CACNA2D1: variants seen among roughly 807,000 people sequenced by gnomAD.
CACNA2D1 encodes calcium voltage-gated channel auxiliary subunit alpha2delta 1, also known as voltage-dependent calcium channel subunit alpha-2/delta-1.
A neutral mutation model predicts 171.5 loss-of-function variants in CACNA2D1; 53 were observed. That is an observed-to-expected ratio of 0.31 (90% CI 0.25 to 0.39). The LOEUF is 0.39. Among genes scored for constraint, CACNA2D1 ranks in the 10% least tolerant of loss-of-function variants. The pLI, the probability that CACNA2D1 is intolerant of heterozygous loss-of-function variation, is 1.00. For missense variants in CACNA2D1, 903 were observed against 1,299.8 expected (o/e 0.69, Z 4.69); for synonymous variants, 442 against 443.1 (o/e 1.00, Z 0.03).
chr7:82,315,221 A>G (rs190205584), intron 3 of CACNA2D1, among the ~76,000 whole-genome samples: 28 of 152,280 alleles, frequency 1.8e-4, no homozygotes, highest in African/African-American at 6.3e-4. Context: ...AGAAGTAGGG[A>G]GAAAGGAGCA....
chr7:81,990,565 G>A (rs1290680709), intron 21 of CACNA2D1, among the ~76,000 whole-genome samples: 7 of 152,008 alleles, frequency 4.6e-5, no homozygotes, highest in African/African-American at 1.7e-4. Context: ...AAAACAGAAT[G>A]AGTAATGACG....
At chr7:82,120,177 G>A (rs1789547393) in intron 5 of CACNA2D1, among the ~76,000 whole-genome samples, 2 of 152,220 alleles carry the variant, frequency 1.3e-5, no homozygotes, top group South Asian at 4.1e-4. Context: ...ATGAGACTGT[G>A]CACGCACGCA....
intron 6 of CACNA2D1, among the ~76,000 whole-genome samples, chr7:82,095,863 A>G (rs1811798360): frequency 6.6e-6 from 1 of 152,180 alleles, no homozygotes; most frequent in African/African-American, 2.4e-5. Context: ...TCAAATGTCC[A>G]TTTAATCCTG....
intron 1 of CACNA2D1, among the ~76,000 whole-genome samples, chr7:82,351,958 A>G (rs1337937447): frequency 6.6e-6 from 1 of 151,772 alleles, no homozygotes; most frequent in African/African-American, 2.4e-5. Flanking sequence ...TTTAGCTCGA[A>G]ACTGAGAGGC....
chr7:82,119,521 T>G (rs2129056065), intron 5 of CACNA2D1, among the ~76,000 whole-genome samples: 1 of 152,292 alleles, frequency 6.6e-6, no homozygotes, highest in Non-Finnish European at 1.5e-5. Flanking sequence ...CTCTTGCAAA[T>G]TTAACATATT....
At chr7:82,077,815 A>G (rs924608070) in intron 7 of CACNA2D1, among the ~76,000 whole-genome samples, 8 of 151,996 alleles carry the variant, frequency 5.3e-5, no homozygotes, top group African/African-American at 1.7e-4. Flanking sequence ...GTACTTCTAT[A>G]AATACTATAA....
rs560099856 is a variant in CACNA2D1, at chr7:82,167,546, C to T, written c.354+3004G>A. On this transcript the variant is annotated intron_variant, in intron 4 of 38. Transcript: ENST00000356860. ...AGGTTCTATTCTCCAAGCACAAAAACGACCACTATCTAAACCTTCTATCAC... is the reference window on the plus strand; with the variant it reads ...AGGTTCTATTCTCCAAGCACAAAAATGACCACTATCTAAACCTTCTATCAC... Among the ~76,000 whole-genome samples, 18 of 152,122 alleles carry T rather than the reference C, an allele frequency of 1.2e-4. No individual in the cohort carries two copies. The South Asian group carries it at 3.1e-3, about 26-fold the overall frequency.
intron 3 of CACNA2D1, among the ~76,000 whole-genome samples, chr7:82,235,810 G>A (rs1803516128): frequency 6.6e-6 from 1 of 151,974 alleles, no homozygotes; most frequent in Non-Finnish European, 1.5e-5. Context: ...CAAGCCAACT[G>A]GACAATACAG....
rs114537007 is a variant in CACNA2D1 at position 82,117,587 on chromosome 7, A to C, written c.397-414T>G. ...GATCACTTGAGCCCAGGAGTTCTAG[A>C]CTAGCCCAGGCAACACGGCAAACCC... is the stretch of plus-strand genomic sequence containing the variant. On this transcript the variant is annotated intron_variant, in intron 5 of 38. Coordinates refer to ENST00000356860, the MANE Select transcript of CACNA2D1 (RefSeq NM_000722.4). Among the ~76,000 whole-genome samples, 1,311 of 152,294 alleles carry C rather than the reference A, an allele frequency of 8.6e-3. 22 individuals are homozygous for C. Among genetic ancestry groups the C allele is most frequent in the African/African-American group, 0.03 (1,247 of 41,556 alleles).
At chr7:82,053,919 G>A (rs1385543574) in intron 10 of CACNA2D1, among the ~76,000 whole-genome samples, 1 of 152,100 alleles carries the variant, frequency 6.6e-6, no homozygotes, top group Admixed American at 6.5e-5. Context: ...AGTACACCCA[G>A]CTTAGGATTT....
intron 1 of CACNA2D1, among the ~76,000 whole-genome samples, chr7:82,374,015 G>A (rs370820020): frequency 1.3e-5 from 2 of 152,318 alleles, no homozygotes; most frequent in East Asian, 3.9e-4. Flanking sequence ...CCATGGGAAG[G>A]CTTCCTTCTG....
rs200290259 is a variant in CACNA2D1, at chr7:82,111,267, T to C, written c.526+5777A>G. ...TGAACTTTTCCTTGATATATATATA[T>C]ACACACACATATATATATGTCTGGG... On this transcript the variant is annotated intron_variant, in intron 6 of 38. Transcript: ENST00000356860. Among the ~76,000 whole-genome samples, 62 of 137,670 alleles carry C rather than the reference T, an allele frequency of 4.5e-4. No individual in the cohort carries two copies. The East Asian group carries it at 4.8e-3, about 11-fold the overall frequency. The allele number at this position is 137,670 out of a possible 152,430, so 90.3% of individuals were successfully genotyped here.
At chr7:82,094,002 G>T (rs2129023409) in intron 6 of CACNA2D1, among the ~76,000 whole-genome samples, 1 of 152,270 alleles carries the variant, frequency 6.6e-6, no homozygotes, top group Non-Finnish European at 1.5e-5. Context: ...TATTAGAAGT[G>T]ACTAATGAGA....
rs187109872 is a variant in CACNA2D1 at position 82,069,334 on chromosome 7, A to G, written c.659-2810T>C. On this transcript the variant is annotated intron_variant, in intron 7 of 38. Transcript: ENST00000356860. ...TCCTGTAAAAAGTGAAATGTTGCTC[A>G]GTTTAGATGACTTTTTAGTGTTTCA... Among the ~76,000 whole-genome samples, 73 of 152,310 alleles carry G rather than the reference A, an allele frequency of 4.8e-4. 1 individual carries two copies. The highest frequency in any genetic ancestry group is 1.7e-3 in the African/African-American group (71 of 41,588).
chr7:82,385,470 C>G (rs1824230471), intron 1 of CACNA2D1, among the ~76,000 whole-genome samples: 1 of 152,108 alleles, frequency 6.6e-6, no homozygotes, highest in South Asian at 2.1e-4. Flanking sequence ...CATTGTAACC[C>G]TATGTGGTAC....
intron 1 of CACNA2D1, among the ~76,000 whole-genome samples, chr7:82,366,585 C>A (rs936445131): frequency 2.2e-5 from 2 of 90,800 alleles, no homozygotes; most frequent in Non-Finnish European, 5.6e-5. Flanking sequence ...TGAAGTATTT[C>A]ATGGCAGGTA....
chr7:82,376,387 C>T (rs1380046699), intron 1 of CACNA2D1, among the ~76,000 whole-genome samples: 3 of 152,126 alleles, frequency 2.0e-5, no homozygotes, highest in Non-Finnish European at 4.4e-5. Context: ...AGATATTGTC[C>T]TTGCTTTACT....
Position 82,056,047 on chromosome 7 carries a change from C to T in CACNA2D1, c.879+4381G>A, listed in dbSNP as rs574034701. ...AAAAAAAAAAGGCCAAGTATCAACACGGCCCACCTTGAAAAGTACAGTCTC... is the reference window on the plus strand; with the variant it reads ...AAAAAAAAAAGGCCAAGTATCAACATGGCCCACCTTGAAAAGTACAGTCTC... On this transcript the variant is annotated intron_variant, in intron 10 of 38. Transcript: ENST00000356860. Among the ~76,000 whole-genome samples the T allele has an allele frequency of 1.6e-4, 17 of 103,620 alleles. No homozygotes were observed. The South Asian group carries it at 2.5e-3, about 15-fold the overall frequency. 68.0% of individuals were successfully genotyped at this position (103,620 alleles called of 152,430 possible).
chr7:82,363,077 GATT>G (rs1399574764), intron 1 of CACNA2D1, among the ~76,000 whole-genome samples: 3 of 151,914 alleles, frequency 2.0e-5, no homozygotes, highest in African/African-American at 4.8e-5. Context: ...ATTTTTCAAT[GATT>G]ATTATCACTT....
Sources: gnomAD v4.1 joint callset for allele counts (sites outside exome capture counted in the v4.1 genomes callset) on GRCh38, gnomAD v4.1.1 for gene constraint, MANE v1.5 for transcripts, NCBI Gene and HGNC (gene_info 2026-07-23, HGNC 2026-07-21) for gene names.